ATG5: variants seen among roughly 807,000 people sequenced by gnomAD.
ATG5 encodes autophagy protein 5.
Under a neutral mutation model 36.5 loss-of-function variants are expected in ATG5, and 14 were observed. The observed-to-expected ratio is 0.38, with a 90% confidence interval of 0.25 to 0.60. The LOEUF is 0.60. Ranked by LOEUF, ATG5 falls within the 20% of genes least tolerant of loss-of-function variation. The pLI, the probability that ATG5 is intolerant of heterozygous loss-of-function variation, is 0.60. For synonymous variants in ATG5, 95 were observed against 101.5 expected (o/e 0.94, Z 0.38); for missense variants, 195 against 326.7 (o/e 0.60, Z 3.11).
chr6:106,247,385 T>A (rs1778382222), intron 6 of ATG5, among the ~76,000 whole-genome samples: 1 of 152,214 alleles, frequency 6.6e-6, no homozygotes. Flanking sequence ...TACAGAAACA[T>A]GGAGTTTCTT....
intron 1 of ATG5, among the ~76,000 whole-genome samples, chr6:106,322,911 C>T (rs1003431741): frequency 2.0e-5 from 3 of 152,124 alleles, no homozygotes; most frequent in Non-Finnish European, 4.4e-5. Context: ...TTCCTCCTCT[C>T]TCCTATCATT....
At chr6:106,276,608 T>TA (rs1030889581) in intron 5 of ATG5, among the ~76,000 whole-genome samples, 2 of 152,090 alleles carry the variant, frequency 1.3e-5, no homozygotes, top group African/African-American at 4.8e-5. Context: ...ATGCCCCAAA[T>TA]AAAACATTTA....
At chr6:106,203,456 A>G (rs529013918) in intron 6 of ATG5, among the ~76,000 whole-genome samples, 28 of 152,306 alleles carry the variant, frequency 1.8e-4, no homozygotes, top group Non-Finnish European at 3.7e-4. Flanking sequence ...ACCACAGAGT[A>G]AATAAATAAA....
chr6:106,250,440 TTA>T (rs1224524990), intron 5 of ATG5, among the ~76,000 whole-genome samples: 3 of 152,196 alleles, frequency 2.0e-5, no homozygotes, highest in Non-Finnish European at 4.4e-5. Context: ...GCCCAGATTA[TTA>T]TATGTTTAAT....
intron 7 of ATG5, among the ~76,000 whole-genome samples, chr6:106,188,362 A>G (rs1417424187): frequency 2.0e-5 from 3 of 152,174 alleles, no homozygotes; most frequent in Non-Finnish European, 4.4e-5. Flanking sequence ...TCTTCCTCCT[A>G]CTTAGCACTG....
chr6:106,206,208 A>T (rs1176563907), intron 6 of ATG5, among the ~76,000 whole-genome samples: 1 of 144,628 alleles, frequency 6.9e-6, no homozygotes, highest in Non-Finnish European at 1.5e-5. Context: ...GCTCTTATAA[A>T]AGAGGCCCCA....
At chr6:106,246,049 C>T (rs1281219633) in intron 6 of ATG5, among the ~76,000 whole-genome samples, 1 of 152,050 alleles carries the variant, frequency 6.6e-6, no homozygotes, top group Non-Finnish European at 1.5e-5. Flanking sequence ...AAACTGGACT[C>T]CTTAATTTTT....
At chr6:106,211,785 T>C (rs1776861519) in intron 6 of ATG5, among the ~76,000 whole-genome samples, 1 of 152,226 alleles carries the variant, frequency 6.6e-6, no homozygotes, top group African/African-American at 2.4e-5. Flanking sequence ...ATGGACATTC[T>C]AGTCTTCTTG....
chr6:106,189,325 C>A (rs1330553840), intron 7 of ATG5, among the ~76,000 whole-genome samples: 1 of 151,978 alleles, frequency 6.6e-6, no homozygotes, highest in Non-Finnish European at 1.5e-5. Context: ...AGAAAACAGG[C>A]CAGGTGTGGT....
intron 5 of ATG5, among the ~76,000 whole-genome samples, chr6:106,256,785 T>A (rs896314853): frequency 2.0e-5 from 3 of 152,000 alleles, no homozygotes; most frequent in Non-Finnish European, 4.4e-5. Flanking sequence ...TCTGGGTGAG[T>A]CAACAAGTGA....
At chr6:106,228,329 G>A (rs1174497322) in intron 6 of ATG5, among the ~76,000 whole-genome samples, 5 of 152,122 alleles carry the variant, frequency 3.3e-5, no homozygotes, top group Non-Finnish European at 5.9e-5. Flanking sequence ...CAGGGTGTCC[G>A]TTGTGCTCCT....
At chr6:106,193,681 C>A (rs1421919552) in intron 7 of ATG5, among the ~76,000 whole-genome samples, 1 of 152,114 alleles carries the variant, frequency 6.6e-6, no homozygotes, top group Non-Finnish European at 1.5e-5. Context: ...ATTATTTTAT[C>A]TGCTTTCATA....
chr6:106,200,347 T>G (rs1189134399), intron 7 of ATG5, among the ~76,000 whole-genome samples: 1 of 152,214 alleles, frequency 6.6e-6, no homozygotes, highest in African/African-American at 2.4e-5. Flanking sequence ...CAATTCAGAA[T>G]ACATTCGTAA....
chr6:106,267,069 G>A (rs1779253973), intron 5 of ATG5, among the ~76,000 whole-genome samples: 1 of 152,166 alleles, frequency 6.6e-6, no homozygotes, highest in Non-Finnish European at 1.5e-5. Context: ...GTTTGCAGAT[G>A]ACATGATTGT....
intron 1 of ATG5, among the ~76,000 whole-genome samples, chr6:106,317,070 T>C (rs1031548158): frequency 2.0e-5 from 3 of 152,164 alleles, no homozygotes; most frequent in African/African-American, 7.2e-5. Context: ...TGCAAAACAA[T>C]ATTCTAGGTA....
At chr6:106,229,601 A>G (rs1170894509) in intron 6 of ATG5, among the ~76,000 whole-genome samples, 1 of 152,218 alleles carries the variant, frequency 6.6e-6, no homozygotes, top group African/African-American at 2.4e-5. Context: ...AGCCAGGGTA[A>G]ATGTAAAACC....
At chr6:106,228,006 G>C (rs1457651498) in intron 6 of ATG5, among the ~76,000 whole-genome samples, 2 of 152,170 alleles carry the variant, frequency 1.3e-5, no homozygotes, top group East Asian at 1.9e-4. Context: ...TAAGCATATC[G>C]TAAGAACCTA....
chr6:106,223,246 T>G (rs1387848495), intron 6 of ATG5, among the ~76,000 whole-genome samples: 2 of 152,208 alleles, frequency 1.3e-5, no homozygotes, highest in Non-Finnish European at 2.9e-5. Flanking sequence ...ATCAAATAGT[T>G]CCTACTCTTA....
At chr6:106,316,419 GAA>G (rs1256220999) in intron 1 of ATG5, among the ~76,000 whole-genome samples, 153 bp from the exon 2 acceptor site, 6 of 147,934 alleles carry the variant, frequency 4.1e-5, no homozygotes, top group Non-Finnish European at 7.5e-5. Flanking sequence ...TAAATTCAAA[GAA>G]AAGAGTACAA....
Sources: gnomAD v4.1 joint callset for allele counts (sites outside exome capture counted in the v4.1 genomes callset) on GRCh38, gnomAD v4.1.1 for gene constraint, MANE v1.5 for transcripts, NCBI Gene and HGNC (gene_info 2026-07-23, HGNC 2026-07-21) for gene names.